Variants in DNAAF11 observed in about 807,000 individuals in gnomAD.
DNAAF11 encodes the protein dynein axonemal assembly factor 11, also known as leucine rich repeat containing 6.
A neutral mutation model predicts 60.8 loss-of-function variants in DNAAF11; 45 were observed. That is an observed-to-expected ratio of 0.74 (90% CI 0.58 to 0.95). The LOEUF (loss-of-function observed/expected upper bound fraction) is 0.95, where lower values mean the gene tolerates loss of function less well. DNAAF11 is among the 40% of genes least tolerant of loss of function. The probability of loss-of-function intolerance (pLI) is 0.00; values close to 1 mark genes in which losing one functional copy is unlikely to be tolerated. For synonymous variants in DNAAF11, 191 were observed against 183.5 expected (o/e 1.04, Z -0.33); for missense variants, 546 against 546.2 (o/e 1.00, Z 0.00).
chr8:132,591,597 T>C (rs1816471701), intron 10 of DNAAF11, among the ~76,000 whole-genome samples: 1 of 152,082 alleles, frequency 6.6e-6, no homozygotes, highest in African/African-American at 2.4e-5. Flanking sequence ...TTTTTTAGTC[T>C]TTTGTGGTTT....
chr8:132,604,364 G>C (rs1308702484), intron 10 of DNAAF11, among the ~76,000 whole-genome samples: 1 of 152,144 alleles, frequency 6.6e-6, no homozygotes, highest in African/African-American at 2.4e-5. Flanking sequence ...CACTTCTTAT[G>C]CTCAGTATAA....
chr8:132,648,279 T>C (rs1160345701), intron 3 of DNAAF11, among the ~76,000 whole-genome samples: 1 of 152,226 alleles, frequency 6.6e-6, no homozygotes, highest in East Asian at 1.9e-4. Context: ...TCTCAATAGA[T>C]GCAGAAAAGG....
At chr8:132,591,033 G>A (rs1187266405) in intron 10 of DNAAF11, among the ~76,000 whole-genome samples, 5 of 152,104 alleles carry the variant, frequency 3.3e-5, no homozygotes, top group Non-Finnish European at 7.4e-5. Context: ...TTTTATCATG[G>A]TGTCTACCCA....
intron 10 of DNAAF11, among the ~76,000 whole-genome samples, chr8:132,601,665 C>T (rs1010044788): frequency 6.6e-6 from 1 of 152,030 alleles, no homozygotes; most frequent in African/African-American, 2.4e-5. Flanking sequence ...AGCAAACTAT[C>T]ACAAGGACAA....
chr8:132,637,961 C>T lies in DNAAF11; in HGVS notation c.403G>A (p.Val135Met), dbSNP rs777566528. The T allele has an allele frequency of 2.7e-5, 43 of 1,610,694 alleles. No homozygotes were observed. In the South Asian group the frequency reaches 3.2e-4, roughly 12 times the overall value. ...TTTAATTGTGGAAGAGTTGCTACCA[C>T]GAACTCCCTATAGTGGTCAAAGGAA... ...CASFDHYREF[V>M]VATLPQLKWL... is the part of the protein sequence containing the mutation. The change falls in exon 4 of 12, where the codon GTG becomes ATG. Residue 135 changes from valine (V) to methionine (M), a missense_variant. Transcript: ENST00000620350.
chr8:132,667,908 T>C (rs1824790400), intron 1 of DNAAF11, among the ~76,000 whole-genome samples: 1 of 152,200 alleles, frequency 6.6e-6, no homozygotes, highest in African/African-American at 2.4e-5. Flanking sequence ...AAGTTTTTCA[T>C]TACATTGAGC....
rs373570105 is a variant in DNAAF11, at chr8:132,578,039, A to AT, written c.1227-5560dup. 4.8e-3 allele frequency among the ~76,000 whole-genome samples: 737 copies of AT among 152,264 alleles called. 10 individuals carry two copies. Among genetic ancestry groups the AT allele is most frequent in the African/African-American group, 0.017 (709 of 41,534 alleles). ...TTCAAACACCTTCATTATAGTCATT[A>AT]TAAATAAAGCCCTACTTTTTAATTA... On this transcript the variant is annotated intron_variant, in intron 11 of 11. Transcript: ENST00000620350.
At chr8:132,691,257 T>A in the DNAAF11 span, among the ~76,000 whole-genome samples, 1 of 151,364 alleles carries the variant, frequency 6.6e-6, no homozygotes, top group East Asian at 1.9e-4. Flanking sequence ...TAATTTATTG[T>A]TCAAATTAGT....
At chr8:132,582,172 A>G (rs1215512041) in intron 11 of DNAAF11, among the ~76,000 whole-genome samples, 4 of 152,218 alleles carry the variant, frequency 2.6e-5, no homozygotes, top group East Asian at 3.9e-4. Flanking sequence ...GGGGTTGCCC[A>G]GCCTGAAGCT....
At chr8:132,580,866 G>A (rs1461474357) in intron 11 of DNAAF11, among the ~76,000 whole-genome samples, 1 of 152,172 alleles carries the variant, frequency 6.6e-6, no homozygotes, top group Non-Finnish European at 1.5e-5. Context: ...ATATGTGTAA[G>A]TGCAAAGGGA....
chr8:132,699,020 T>G, the DNAAF11 span, among the ~76,000 whole-genome samples: 3 of 150,732 alleles, frequency 2.0e-5, no homozygotes, highest in South Asian at 6.3e-4. Flanking sequence ...TCTCAGCTAT[T>G]TGGGAAGCTG....
chr8:132,639,367 C>T (rs530621486), intron 3 of DNAAF11, among the ~76,000 whole-genome samples: 14 of 152,306 alleles, frequency 9.2e-5, no homozygotes, highest in African/African-American at 3.4e-4. Context: ...CCAGCTAATA[C>T]CCCAGGTCCA....
intron 5 of DNAAF11, among the ~76,000 whole-genome samples, chr8:132,629,800 CCT>C (rs1277805602): frequency 9.2e-5 from 14 of 152,110 alleles, no homozygotes; most frequent in African/African-American, 3.1e-4. Context: ...TGCAGGATTG[CCT>C]CTTTTATAAA....
In DNAAF11 at chr8:132,586,974, G is replaced by A. The variant is rs1586487955; in HGVS notation, c.1141-3195C>T. Among the ~76,000 whole-genome samples, 3 of 151,896 alleles carry A rather than the reference G, an allele frequency of 2.0e-5. No homozygotes were observed. In the South Asian group the frequency reaches 6.2e-4, roughly 32 times the overall value. On this transcript the variant is annotated intron_variant, in intron 10 of 11. Coordinates refer to ENST00000620350, the MANE Select transcript of DNAAF11 (RefSeq NM_012472.6). ...TTAATATTTTAACTCCTTTAAATGAGGTCAATGTTAGTTAAAATTCATTAA... is the reference window on the plus strand; with the variant it reads ...TTAATATTTTAACTCCTTTAAATGAAGTCAATGTTAGTTAAAATTCATTAA...
intron 3 of DNAAF11, among the ~76,000 whole-genome samples, chr8:132,655,887 C>T (rs1317967497): frequency 1.4e-5 from 2 of 145,930 alleles, no homozygotes; most frequent in Non-Finnish European, 3.1e-5. Context: ...GAAATCGGTA[C>T]TCACATGGAC....
At chr8:132,575,423 T>A (rs954315755) in intron 11 of DNAAF11, among the ~76,000 whole-genome samples, 1 of 152,176 alleles carries the variant, frequency 6.6e-6, no homozygotes, top group African/African-American at 2.4e-5. Flanking sequence ...TCAGTATGCT[T>A]TTCAGCACAC....
chr8:132,589,173 T>C (rs1816211102), intron 10 of DNAAF11, among the ~76,000 whole-genome samples: 1 of 152,134 alleles, frequency 6.6e-6, no homozygotes, highest in Non-Finnish European at 1.5e-5. Context: ...TAAGCAGGAA[T>C]TTTCCAGAAG....
chr8:132,627,568 A>C lies in DNAAF11; in HGVS notation c.654-2114T>G, dbSNP rs534799967. On this transcript the variant is annotated intron_variant, in intron 5 of 11. Coordinates refer to ENST00000620350, the MANE Select transcript of DNAAF11 (RefSeq NM_012472.6). The stretch of plus-strand genomic sequence containing the variant: ...CATTTTCAGGTACTAAAGGGTCTAA[A>C]GTTTAAATAAAAGTTCAGACCTAAA... Among the ~76,000 whole-genome samples the C allele has an allele frequency of 1.3e-4, 20 of 152,306 alleles. 1 individual carries two copies. The South Asian group carries it at 3.9e-3, about 30-fold the overall frequency.
the DNAAF11 span, among the ~76,000 whole-genome samples, chr8:132,688,034 T>C: frequency 6.6e-6 from 1 of 152,204 alleles, no homozygotes; most frequent in African/African-American, 2.4e-5. Context: ...ATATTTGTAA[T>C]TCTTTTTTTC....
Sources: allele counts gnomAD v4.1 joint callset (sites outside exome capture counted in the v4.1 genomes callset), GRCh38; gene constraint gnomAD v4.1.1; transcripts MANE v1.5; gene names NCBI Gene and HGNC (gene_info 2026-07-23, HGNC 2026-07-21).